SLC25A48: variants seen among roughly 807,000 people sequenced by gnomAD.
The protein encoded by SLC25A48 is solute carrier family 25 member 48.
Under a neutral mutation model 32.2 loss-of-function variants are expected in SLC25A48, and 29 were observed. That is an observed-to-expected ratio of 0.90 (90% CI 0.67 to 1.23). The LOEUF is 1.23. Ranked by LOEUF, SLC25A48 falls within the 50% of genes most tolerant of loss-of-function variation. The pLI is 0.00. For missense variants in SLC25A48, 399 were observed against 422.7 expected, an observed-to-expected ratio of 0.94 and a Z score of 0.49; for synonymous variants, 164 against 172.3, an observed-to-expected ratio of 0.95 and a Z score of 0.38.
At chr5:135,601,684 G>T (rs1362540318) in intron 1 of SLC25A48, among the ~76,000 whole-genome samples, 2 of 152,308 alleles carry the variant, frequency 1.3e-5, no homozygotes, top group South Asian at 2.1e-4. Context: ...AGACTGCAGG[G>T]ACAGTGAGCT....
chr5:135,887,713 G>A (rs1762785602), intron 7 of SLC25A48, among the ~76,000 whole-genome samples: 1 of 152,028 alleles, frequency 6.6e-6, no homozygotes, highest in South Asian at 2.1e-4. Context: ...CTCTGTGGTG[G>A]CAAGAACTTC....
At chr5:135,595,338 C>T (rs770625172) in intron 1 of SLC25A48, among the ~76,000 whole-genome samples, 1 of 152,258 alleles carries the variant, frequency 6.6e-6, no homozygotes, top group East Asian at 1.9e-4. Flanking sequence ...GTGATTCCAC[C>T]CAACCTCATG....
intron 3 of SLC25A48, among the ~76,000 whole-genome samples, chr5:135,702,356 A>G (rs1289272907): frequency 6.6e-6 from 1 of 152,254 alleles, no homozygotes; most frequent in African/African-American, 2.4e-5. Context: ...ACACAGAGAC[A>G]CAGGGAGGAT....
chr5:135,832,614 C>T (rs1662917749), upstream of SLC25A48, among the ~76,000 whole-genome samples: 1 of 152,168 alleles, frequency 6.6e-6, no homozygotes. Flanking sequence ...ACAGCCACCT[C>T]TGTGTAGCAT....
At chr5:135,710,009 A>G (rs1754615934) in intron 3 of SLC25A48, among the ~76,000 whole-genome samples, 1 of 152,216 alleles carries the variant, frequency 6.6e-6, no homozygotes, top group Non-Finnish European at 1.5e-5. Flanking sequence ...TGTAAAGCTC[A>G]CAACATGATG....
intron 3 of SLC25A48, among the ~76,000 whole-genome samples, chr5:135,681,361 C>G (rs1753893444): frequency 6.6e-6 from 1 of 152,170 alleles, no homozygotes; most frequent in Non-Finnish European, 1.5e-5. Flanking sequence ...TTAACTTCAT[C>G]CAATGTATTT....
chr5:135,772,158 G>A (rs184309960), intron 3 of SLC25A48, among the ~76,000 whole-genome samples: 1 of 151,252 alleles, frequency 6.6e-6, no homozygotes, highest in East Asian at 2.0e-4. Flanking sequence ...GTGTAAACTC[G>A]CTTGTGATAT....
intron 4 of SLC25A48, among the ~76,000 whole-genome samples, chr5:135,815,798 T>A (rs577460342): frequency 6.6e-6 from 1 of 152,198 alleles, no homozygotes; most frequent in Non-Finnish European, 1.5e-5. Context: ...TCTTGCCATA[T>A]CTGATTATGA....
At chr5:135,778,041 C>G (rs1465453881) in intron 3 of SLC25A48, among the ~76,000 whole-genome samples, 1 of 139,404 alleles carries the variant, frequency 7.2e-6, no homozygotes. Flanking sequence ...GCTGATATGT[C>G]TCAATATTGC....
At chr5:135,789,516 C>T (rs904788352) in intron 3 of SLC25A48, among the ~76,000 whole-genome samples, 2 of 151,066 alleles carry the variant, frequency 1.3e-5, no homozygotes, top group African/African-American at 4.9e-5. Flanking sequence ...TTGTAATATC[C>T]AGGAGGGGAG....
chr5:135,827,325 C>T (rs963900093), intron 4 of SLC25A48: 2 of 152,286 alleles, frequency 1.3e-5, no homozygotes, highest in Admixed American at 1.3e-4. Flanking sequence ...GGCTGCTTGT[C>T]TGGAATGCCC....
chr5:135,654,063 C>T (rs1753183784), intron 3 of SLC25A48: 1 of 370,382 alleles, frequency 2.7e-6, no homozygotes, highest in Non-Finnish European at 5.3e-6. Context: ...TAACAGCCAC[C>T]AGTGGGACCC....
chr5:135,607,044 C>T (rs1751953969), intron 1 of SLC25A48, among the ~76,000 whole-genome samples: 1 of 152,164 alleles, frequency 6.6e-6, no homozygotes, highest in African/African-American at 2.4e-5. Flanking sequence ...GGGGACTTGG[C>T]CTAGACCTCA....
At chr5:135,877,963 G>A (rs1479635474) in intron 6 of SLC25A48, among the ~76,000 whole-genome samples, 3 of 152,184 alleles carry the variant, frequency 2.0e-5, no homozygotes, top group Non-Finnish European at 2.9e-5. Flanking sequence ...AGTGTCAGCT[G>A]TGAGAGGCCG....
chr5:135,708,997 C>T (rs1017573778), intron 3 of SLC25A48, among the ~76,000 whole-genome samples: 1 of 152,202 alleles, frequency 6.6e-6, no homozygotes, highest in African/African-American at 2.4e-5. Flanking sequence ...GGCTGCTTGA[C>T]TATCCTGCCA....
At chr5:135,831,213 G>A (rs1034290082), upstream of SLC25A48, among the ~76,000 whole-genome samples, 1 of 152,150 alleles carries the variant, frequency 6.6e-6, no homozygotes, top group Non-Finnish European at 1.5e-5. Flanking sequence ...CTCACACCTG[G>A]GAATGATGTG....
chr5:135,799,300 C>G, intron 3 of SLC25A48, among the ~76,000 whole-genome samples: 1 of 151,548 alleles, frequency 6.6e-6, no homozygotes, highest in Admixed American at 6.6e-5. Context: ...TATTGAAGGG[C>G]AGATGTACTC....
intron 3 of SLC25A48, among the ~76,000 whole-genome samples, chr5:135,698,782 A>G (rs1305923765): frequency 2.6e-5 from 4 of 152,216 alleles, no homozygotes; most frequent in Admixed American, 6.5e-5. Context: ...AAATACATAT[A>G]TTTGAAATAC....
chr5:135,843,962 T>C (rs949991386), intron 2 of SLC25A48, among the ~76,000 whole-genome samples: 3 of 152,306 alleles, frequency 2.0e-5, no homozygotes, highest in Non-Finnish European at 4.4e-5. Context: ...AGTTCATGTC[T>C]GAAGTGGACT....
Sources: allele counts gnomAD v4.1 joint callset (sites outside exome capture counted in the v4.1 genomes callset), GRCh38; gene constraint gnomAD v4.1.1; transcripts MANE v1.5; gene names NCBI Gene and HGNC (gene_info 2026-07-23, HGNC 2026-07-21).